Variants in PSD observed in about 807,000 individuals in gnomAD.
PSD encodes PH and SEC7 domain-containing protein 1.
Under a neutral mutation model 91.6 loss-of-function variants are expected in PSD, and 32 were observed. The ratio of observed to expected loss-of-function variants is 0.35; its 90% CI spans 0.26 to 0.47. The LOEUF is 0.47. Among genes scored for constraint, PSD ranks in the 20% least tolerant of loss-of-function variants. The pLI, the probability that PSD is intolerant of heterozygous loss-of-function variation, is 1.00. For missense variants in PSD, 1,099 were observed against 1,373.9 expected, an observed-to-expected ratio of 0.80 and a Z score of 3.16; for synonymous variants, 532 against 569.3, an observed-to-expected ratio of 0.93 and a Z score of 0.93.
rs1185197925 is a variant in PSD at position 102,405,333 on chromosome 10, C to G, written c.2326+13G>C. The G allele has an allele frequency of 3.4e-5, 55 of 1,608,806 alleles. No homozygotes were observed. In the Admixed American group the frequency reaches 9.2e-4, roughly 27 times the overall value. Reference sequence around the variant, plus strand: ...TCCCCTAGACGCCCGCCCCCCGCAACTCGGCCACATACTCTTCCTGCAGTC... The same window carrying G: ...TCCCCTAGACGCCCGCCCCCCGCAAGTCGGCCACATACTCTTCCTGCAGTC... On this transcript the variant is annotated intron_variant, in intron 12 of 16. Transcript: ENST00000020673. This position sits in a 1 kb window ranked among gnomAD's most constrained non-coding sequence, Gnocchi z 5.4.
Position 102,410,773 on chromosome 10 carries a change from G to T in PSD, c.2091+85C>A. On this transcript the variant is annotated intron_variant, in intron 10 of 16. Transcript: ENST00000020673. The surrounding 1 kb of genome is among the most constrained non-coding windows in gnomAD (Gnocchi z 6.0). ...CCGGGGGTCGGCAAGCCCCAGCCCT[G>T]CCCTCCCTCCGACTCTGGACTCCGT... 1 of 1,032,458 alleles carries T rather than the reference G, an allele frequency of 9.7e-7. No homozygotes were observed. The highest frequency in any genetic ancestry group is 1.5e-6 in the Non-Finnish European group (1 of 658,984). 64.0% of individuals were successfully genotyped at this position (1,032,458 alleles called of 1,614,324 possible). A position where few individuals can be genotyped will look rare whatever the true frequency, so the allele number is the denominator to read the frequency against.
In PSD at chr10:102,417,769, C is replaced by T. The variant is rs147174918; in HGVS notation, c.-83-648G>A. Among the ~76,000 whole-genome samples the T allele has an allele frequency of 4.6e-4, 67 of 147,234 alleles. 1 individual carries two copies. The East Asian group carries it at 0.01, about 22-fold the overall frequency. ...TGCTGCCCAGGCTGGAGTGGAATGG[C>T]GCTATCTCAGCTCACTGCAACCTCC... On this transcript the variant is annotated intron_variant, in intron 1 of 16. Transcript: ENST00000020673.
rs758899155 is a variant in PSD, at chr10:102,415,070, G to A, written c.917C>T (p.Ala306Val). The stretch of plus-strand genomic sequence containing the variant: ...GGCCGAGTCGGCCTCCTCCCGCTCA[G>A]CCAGCACCTCATCGATGTCAGTCTC... ...YRETDIDEVL[A>V]EREEADSAIE... The change falls in exon 4 of 17, where the codon GCT becomes GTT. Residue 306 changes from alanine (A) to valine (V), a missense_variant. Ala to Val is a moderately conservative substitution (Grantham distance 64). Coordinates refer to ENST00000020673, the MANE Select transcript of PSD (RefSeq NM_002779.5). 3.7e-6 allele frequency: 6 copies of A among 1,613,994 alleles called. No individual in the cohort carries two copies. Among genetic ancestry groups the A allele is most frequent in the Non-Finnish European group, 5.1e-6 (6 of 1,180,024 alleles).
chr10:102,413,639 C>A (rs1185188099), intron 5 of PSD, 130 bp downstream of exon 5: 2 of 906,596 alleles, frequency 2.2e-6, no homozygotes, highest in Non-Finnish European at 3.3e-6. Context: ...ACAGGATCTG[C>A]ATCCCTTAAC....
Position 102,404,096 on chromosome 10 carries a change from C to T in PSD, c.2701-111G>A. The T allele has an allele frequency of 3.7e-6, 5 of 1,335,876 alleles. No individual in the cohort carries two copies. The highest frequency in any genetic ancestry group is 4.9e-6 in the Non-Finnish European group (5 of 1,013,004). 82.8% of individuals were successfully genotyped at this position (1,335,876 alleles called of 1,614,324 possible). On this transcript the variant is annotated intron_variant, in intron 15 of 16. Coordinates refer to ENST00000020673, the MANE Select transcript of PSD (RefSeq NM_002779.5). This position sits in a 1 kb window ranked among gnomAD's most constrained non-coding sequence, Gnocchi z 5.7. ...GGGCGCGGTGGCTCACGCCTGTAAT[C>T]CCAGCACTTTGGGAGGCCAAGGCGG...
chr10:102,405,506 A>G lies in PSD; in HGVS notation c.2166T>C (p.Ser722=). The part of the protein sequence containing the change: ...IDEEELRRSL[S]ELADPNPKVI... ...CCTTGGGGTTGGGGTCGGCCAACTC[A>G]GACAGAGAGCGTCTCAGCTCCTCCT... The change falls in exon 12 of 17, where the codon TCT becomes TCC. Residue 722 remains serine (S), a synonymous_variant. Coordinates refer to ENST00000020673, the MANE Select transcript of PSD (RefSeq NM_002779.5). The surrounding 1 kb of genome is among the most constrained non-coding windows in gnomAD (Gnocchi z 5.4). 2 of 1,613,868 alleles carry G rather than the reference A, an allele frequency of 1.2e-6. No individual in the cohort carries two copies. Among genetic ancestry groups the G allele is most frequent in the Non-Finnish European group, 1.7e-6 (2 of 1,179,908 alleles).
chr10:102,408,971 C>T, intron 10 of PSD: 2 of 986,002 alleles, frequency 2.0e-6, no homozygotes, highest in Non-Finnish European at 2.4e-6. Flanking sequence ...GCTGCGCGAG[C>T]GCTGCGGCCA....
chr10:102,409,049 C>T lies in PSD; in HGVS notation c.2092-1783G>A, dbSNP rs1213551409. 5.1e-6 allele frequency: 5 copies of T among 985,856 alleles called. No homozygotes were observed. The highest frequency in any genetic ancestry group is 6.0e-6 in the Non-Finnish European group (5 of 829,932). 61.1% of individuals were successfully genotyped at this position (985,856 alleles called of 1,614,324 possible). A position where few individuals can be genotyped will look rare whatever the true frequency, so the allele number is the denominator to read the frequency against. On this transcript the variant is annotated intron_variant, in intron 10 of 16. Transcript: ENST00000020673. The surrounding 1 kb of genome is among the most constrained non-coding windows in gnomAD (Gnocchi z 5.7). Reference sequence around the variant, plus strand: ...GCGCACGGAGCACAGCGAGCGCGAGCGCAGCCGCCCGGCGCTGCTGTGGAT... The same window carrying T: ...GCGCACGGAGCACAGCGAGCGCGAGTGCAGCCGCCCGGCGCTGCTGTGGAT...
intron 1 of PSD, among the ~76,000 whole-genome samples, chr10:102,418,491 C>T (rs1241521960): frequency 1.3e-5 from 2 of 152,110 alleles, no homozygotes; most frequent in Non-Finnish European, 2.9e-5. Context: ...GGGGAATCTG[C>T]ACCCATATTC....
At chr10:102,411,841 G>A (rs1390620097) in intron 7 of PSD, 22 bp from the exon 8 acceptor site, 2 of 1,571,478 alleles carry the variant, frequency 1.3e-6, no homozygotes, top group Admixed American at 3.4e-5. Context: ...GCAAGAGAGG[G>A]TTGCCTAGCA....
At chr10:102,406,719 A>G (rs1471928001) in intron 11 of PSD, among the ~76,000 whole-genome samples, 5 of 152,150 alleles carry the variant, frequency 3.3e-5, no homozygotes, top group Non-Finnish European at 7.4e-5. Context: ...TTTAGCCAGG[A>G]TGGTCTTGAT....
At chr10:102,411,962 C>CA in intron 7 of PSD, 143 bp from the exon 8 acceptor site, 1 of 909,470 alleles carries the variant, frequency 1.1e-6, no homozygotes, top group South Asian at 1.4e-5. Context: ...CCCTGACCCT[C>CA]CACCCATCAC....
rs768671841 is a variant in PSD, at chr10:102,416,103, G to A, written c.671C>T (p.Ser224Phe). The A allele has an allele frequency of 2.1e-5, 34 of 1,613,412 alleles. No individual in the cohort carries two copies. The highest frequency in any genetic ancestry group is 2.8e-5 in the Non-Finnish European group (33 of 1,179,694). ...GFLNQGDTWS[S>F]PREVSSHAQR... The stretch of plus-strand genomic sequence containing the variant: ...GGCATGAGAGGAGACTTCCCGGGGG[G>A]AGGACCAGGTATCCCCCTGAGCCAA... Residue 224 changes from serine to phenylalanine, a missense_variant, in exon 3 of 17, where the codon TCC (serine) becomes TTC (phenylalanine). Ser to Phe is a radical substitution (Grantham distance 155). This residue lies in a region of PSD where 631 missense variants were observed against 728.8 expected (regional missense o/e 0.87). Coordinates refer to ENST00000020673, the MANE Select transcript of PSD (RefSeq NM_002779.5). The surrounding 1 kb of genome is among the most constrained non-coding windows in gnomAD (Gnocchi z 6.0).
rs1345978854 is a variant in PSD at position 102,409,481 on chromosome 10, G to T, written c.2091+1377C>A. On this transcript the variant is annotated intron_variant, in intron 10 of 16. Coordinates refer to ENST00000020673, the MANE Select transcript of PSD (RefSeq NM_002779.5). This position sits in a 1 kb window ranked among gnomAD's most constrained non-coding sequence, Gnocchi z 5.7. ...AGGCCTGGGGCTGTGACGCTGGGCG[G>T]ACCCGGCAGGGTCTGGAACTCCCTT... 2.6e-5 allele frequency among the ~76,000 whole-genome samples: 4 copies of T among 152,140 alleles called. No individual in the cohort carries two copies. Among genetic ancestry groups the T allele is most frequent in the African/African-American group, 9.7e-5 (4 of 41,432 alleles).
rs761558318 is a variant in PSD, at chr10:102,416,897, G to A, written c.142C>T (p.Arg48Trp). Reference sequence around the variant, plus strand: ...CGAGGACCTGGACCTGCCACTCGCCGTAGCAAGGAGCCTGTGCTGCCATAC... The same window carrying A: ...CGAGGACCTGGACCTGCCACTCGCCATAGCAAGGAGCCTGTGCTGCCATAC... The part of the protein sequence containing the change: ...SMYGSTGSLL[R>W]RVAGPGPRGR... The change falls in exon 2 of 17, where the codon CGG (arginine) becomes TGG (tryptophan). Residue 48 changes from arginine to tryptophan, a missense_variant. This residue lies in a region of PSD where 631 missense variants were observed against 728.8 expected (regional missense o/e 0.87). Transcript: ENST00000020673. This position sits in a 1 kb window ranked among gnomAD's most constrained non-coding sequence, Gnocchi z 6.0. 38 of 1,607,550 alleles carry A rather than the reference G, an allele frequency of 2.4e-5. No homozygotes were observed. The highest frequency in any genetic ancestry group is 2.8e-5 in the Non-Finnish European group (33 of 1,178,362).
In PSD at chr10:102,409,003, G is replaced by A. The variant is rs1413111617; in HGVS notation, c.2092-1737C>T. The A allele has an allele frequency of 3.0e-6, 3 of 987,114 alleles. No individual in the cohort carries two copies. In the East Asian group the frequency reaches 3.4e-4, roughly 112 times the overall value. The allele number at this position is 987,114 out of a possible 1,614,324, so 61.1% of individuals were successfully genotyped here. A position where few individuals can be genotyped will look rare whatever the true frequency, so the allele number is the denominator to read the frequency against. ...GCCAGCCGTAGCACAGGGTCTCCGC[G>A]CCGCGGTGGGTGCGCCCGTAGCGCA... is the stretch of plus-strand genomic sequence containing the variant. On this transcript the variant is annotated intron_variant, in intron 10 of 16. Transcript: ENST00000020673. The surrounding 1 kb of genome is among the most constrained non-coding windows in gnomAD (Gnocchi z 5.7).
chr10:102,416,314 C>G lies in PSD; in HGVS notation c.654+71G>C. On this transcript the variant is annotated intron_variant, in intron 2 of 16. Transcript: ENST00000020673. This position sits in a 1 kb window ranked among gnomAD's most constrained non-coding sequence, Gnocchi z 6.0. ...GGATTCAGAGTGAACAGCAGACAAGCCCATGTCTGACAGGAGGCTGAGCCT... is the reference window on the plus strand; with the variant it reads ...GGATTCAGAGTGAACAGCAGACAAGGCCATGTCTGACAGGAGGCTGAGCCT... 1 of 1,497,164 alleles carries G rather than the reference C, an allele frequency of 6.7e-7. No individual in the cohort carries two copies. The highest frequency in any genetic ancestry group is 9.1e-7 in the Non-Finnish European group (1 of 1,101,098). 92.7% of individuals were successfully genotyped at this position (1,497,164 alleles called of 1,614,324 possible).
Position 102,402,628 on chromosome 10 carries a change from G to C in PSD, c.*572C>G. 1 of 451,034 alleles carries C rather than the reference G, an allele frequency of 2.2e-6. No homozygotes were observed. The highest frequency in any genetic ancestry group is 4.4e-5 in the South Asian group (1 of 22,804). The allele number at this position is 451,034 out of a possible 1,614,324, so 27.9% of individuals were successfully genotyped here. ...GGAGGAGGCCCAGCCAGCAAGTCCAGAGCAGTTTTAATGGGGGTGGAGGCT... is the reference window on the plus strand; with the variant it reads ...GGAGGAGGCCCAGCCAGCAAGTCCACAGCAGTTTTAATGGGGGTGGAGGCT... On this transcript the variant is annotated 3_prime_UTR_variant, in exon 17 of 17. Coordinates refer to ENST00000020673, the MANE Select transcript of PSD (RefSeq NM_002779.5).
rs968240949 is a variant in PSD, at chr10:102,416,171, G to A, written c.655-52C>T. ...CCCAGAGATAAAGCCAGACATACAA[G>A]GACACAAGAATATGGGACAGAAACA... On this transcript the variant is annotated intron_variant, in intron 2 of 16. Transcript: ENST00000020673. This position sits in a 1 kb window ranked among gnomAD's most constrained non-coding sequence, Gnocchi z 6.0. 1 of 1,409,934 alleles carries A rather than the reference G, an allele frequency of 7.1e-7. No homozygotes were observed. Among genetic ancestry groups the A allele is most frequent in the African/African-American group, 1.4e-5 (1 of 70,356 alleles). The allele number at this position is 1,409,934 out of a possible 1,614,324, so 87.3% of individuals were successfully genotyped here.
Sources: gnomAD v4.1 joint callset for allele counts (sites outside exome capture counted in the v4.1 genomes callset) on GRCh38, gnomAD v4.1.1 for gene constraint, gnomAD v4.1.1 regional missense constraint, Gnocchi (gnomAD v3.1) non-coding constraint, MANE v1.5 for transcripts, NCBI Gene and HGNC (gene_info 2026-07-23, HGNC 2026-07-21) for gene names.